The following COL22A1 variants were observed in gnomAD, a reference collection of about 807,000 sequenced individuals.
COL22A1 encodes collagen alpha-1(XXII) chain.
COL22A1 carries 221 observed loss-of-function variants against 248.9 expected under a neutral mutation model. The ratio of observed to expected loss-of-function variants is 0.89; its 90% CI spans 0.80 to 0.99. COL22A1 has a LOEUF of 0.99. Ranked by LOEUF, COL22A1 falls within the 50% of genes least tolerant of loss-of-function variation. COL22A1 has a pLI of 0.00. For missense variants in COL22A1, 2,240 were observed against 2,179.0 expected, an observed-to-expected ratio of 1.03 and a Z score of -0.56; for synonymous variants, 891 against 793.4, an observed-to-expected ratio of 1.12 and a Z score of -2.07.
At chr8:138,838,122 C>T (rs1218789751) in intron 4 of COL22A1, among the ~76,000 whole-genome samples, 3 of 151,446 alleles carry the variant, frequency 2.0e-5, no homozygotes, top group African/African-American at 7.3e-5. Flanking sequence ...GGTTCCTGTC[C>T]CTGTTCTCAG....
At chr8:138,894,310 A>G (rs1825253024) in intron 1 of COL22A1, among the ~76,000 whole-genome samples, 1 of 152,210 alleles carries the variant, frequency 6.6e-6, no homozygotes, top group Non-Finnish European at 1.5e-5. Context: ...AGAGAGACCA[A>G]TGAGGAGTTC....
At chr8:138,762,314 C>G (rs770391387) in intron 17 of COL22A1, 99 bp downstream of exon 17, 95 of 1,193,626 alleles carry the variant, frequency 8.0e-5, no homozygotes, top group Non-Finnish European at 1.1e-4. Flanking sequence ...AGGAGGAGGC[C>G]CAGGTGCTGA....
chr8:138,674,950 C>G (rs1157528194), intron 41 of COL22A1, among the ~76,000 whole-genome samples: 1 of 152,080 alleles, frequency 6.6e-6, no homozygotes, highest in South Asian at 2.1e-4. Flanking sequence ...ACAAAAATAG[C>G]CAAAGAACAA....
intron 4 of COL22A1, among the ~76,000 whole-genome samples, chr8:138,841,356 A>G (rs1820869221): frequency 6.6e-6 from 1 of 152,202 alleles, no homozygotes; most frequent in African/African-American, 2.4e-5. Context: ...TAATGCCTTC[A>G]GATTGGAGTT....
chr8:138,819,425 A>G (rs1168861055), intron 7 of COL22A1, among the ~76,000 whole-genome samples: 1 of 152,076 alleles, frequency 6.6e-6, no homozygotes, highest in African/African-American at 2.4e-5. Context: ...AACATAGGGA[A>G]GGATTTCCAG....
intron 12 of COL22A1, among the ~76,000 whole-genome samples, chr8:138,787,755 T>A (rs750074686): frequency 2.0e-5 from 3 of 152,114 alleles, no homozygotes; most frequent in Non-Finnish European, 4.4e-5. Flanking sequence ...CTCTGACCTG[T>A]CTTCCACCCC....
At chr8:138,665,508 G>C (rs1824425883) in intron 41 of COL22A1, among the ~76,000 whole-genome samples, 1 of 152,232 alleles carries the variant, frequency 6.6e-6, no homozygotes, top group Admixed American at 6.5e-5. Context: ...TGCCCTTACA[G>C]GCATCTGGTA....
intron 5 of COL22A1, among the ~76,000 whole-genome samples, chr8:138,831,864 C>A (rs1401896255): frequency 6.6e-6 from 1 of 152,198 alleles, no homozygotes; most frequent in Non-Finnish European, 1.5e-5. Flanking sequence ...TGAACCAGAG[C>A]AACTCCATCT....
At chr8:138,872,020 T>A (rs4736258) in intron 3 of COL22A1, among the ~76,000 whole-genome samples, 53,937 of 152,046 alleles carry the variant, frequency 0.35, 10,884 homozygotes, top group African/African-American at 0.53. Flanking sequence ...TGACCCCACA[T>A]TACAGGTAAC....
intron 7 of COL22A1, among the ~76,000 whole-genome samples, chr8:138,813,892 T>G (rs1477122232): frequency 6.6e-6 from 1 of 152,220 alleles, no homozygotes; most frequent in African/African-American, 2.4e-5. Flanking sequence ...ATTTTCAACC[T>G]CTCCAGGCAT....
At chr8:138,700,826 A>T (rs1246447096) in intron 31 of COL22A1, among the ~76,000 whole-genome samples, 1 of 152,108 alleles carries the variant, frequency 6.6e-6, no homozygotes, top group Admixed American at 6.5e-5. Context: ...CTACTAAAAA[A>T]TACAAAAAAT....
chr8:138,888,119 T>C (rs1028159128), intron 1 of COL22A1, among the ~76,000 whole-genome samples: 13 of 152,304 alleles, frequency 8.5e-5, no homozygotes, highest in African/African-American at 3.1e-4. Context: ...GATTTCTTCA[T>C]TTAGGAAATA....
chr8:138,797,850 A>G (rs910067739), intron 11 of COL22A1, among the ~76,000 whole-genome samples: 1 of 152,048 alleles, frequency 6.6e-6, no homozygotes, highest in Non-Finnish European at 1.5e-5. Flanking sequence ...GGGTTTTGTT[A>G]GGTGCATATA....
intron 47 of COL22A1, 138 bp downstream of exon 47, chr8:138,646,491 C>T: frequency 5.2e-6 from 3 of 578,166 alleles, no homozygotes; most frequent in South Asian, 6.6e-5. Flanking sequence ...ATAGTCAGTG[C>T]CATGCTTAGA....
At chr8:138,809,680 C>T (rs1210573156) in intron 9 of COL22A1, among the ~76,000 whole-genome samples, 4 of 152,008 alleles carry the variant, frequency 2.6e-5, no homozygotes, top group Non-Finnish European at 5.9e-5. Flanking sequence ...ACCACCACGC[C>T]TGGCTAATTT....
intron 16 of COL22A1, among the ~76,000 whole-genome samples, chr8:138,767,408 C>G (rs909932211): frequency 6.6e-6 from 1 of 152,196 alleles, no homozygotes; most frequent in African/African-American, 2.4e-5. Context: ...AATCCTGACT[C>G]TGTTGACGGC....
chr8:138,707,958 G>A (rs1331756400), intron 30 of COL22A1, among the ~76,000 whole-genome samples: 4 of 152,112 alleles, frequency 2.6e-5, no homozygotes, highest in African/African-American at 9.7e-5. Flanking sequence ...CAAAATCAAC[G>A]TGCAAAAATC....
At chr8:138,767,711 G>A (rs917323214) in intron 16 of COL22A1, among the ~76,000 whole-genome samples, 1 of 152,168 alleles carries the variant, frequency 6.6e-6, no homozygotes, top group African/African-American at 2.4e-5. Flanking sequence ...TGCACCGCCC[G>A]GTCTCCATCC....
chr8:138,636,945 T>C (rs1483509640), intron 47 of COL22A1, 150 bp from the exon 48 acceptor site: 3 of 701,086 alleles, frequency 4.3e-6, no homozygotes, highest in Non-Finnish European at 7.5e-6. Flanking sequence ...TGGCAGCAGA[T>C]AGATAGAAAC....
Sources: gnomAD v4.1 joint callset for allele counts (sites outside exome capture counted in the v4.1 genomes callset) on GRCh38, gnomAD v4.1.1 for gene constraint, MANE v1.5 for transcripts, NCBI Gene and HGNC (gene_info 2026-07-23, HGNC 2026-07-21) for gene names.